Variants in ARL13B observed in about 807,000 individuals in gnomAD.
ARL13B encodes ADP-ribosylation factor-like protein 13B.
ARL13B carries 36 observed loss-of-function variants against 56.1 expected under a neutral mutation model. That is an observed-to-expected ratio of 0.64 (90% CI 0.49 to 0.85). ARL13B has a LOEUF of 0.85. Ranked by LOEUF, ARL13B falls within the 40% of genes least tolerant of loss-of-function variation. The pLI is 0.00. For missense variants in ARL13B, 519 were observed against 507.1 expected (o/e 1.02, Z -0.23); for synonymous variants, 178 against 171.1 (o/e 1.04, Z -0.32).
At chr3:94,029,301 CATATATATATAT>C (rs1242349606) in intron 3 of ARL13B, among the ~76,000 whole-genome samples, 8 of 77,210 alleles carry the variant, frequency 1.0e-4, no homozygotes, top group East Asian at 4.2e-4. Context: ...CTATCAAAAT[CATATATATATAT>C]ATATATATAT....
At chr3:93,980,538 AGG>A (rs1710160442) in intron 1 of ARL13B, 56 bp downstream of exon 1, 1 of 1,596,476 alleles carries the variant, frequency 6.3e-7, no homozygotes, top group African/African-American at 1.3e-5. Context: ...GCTGCGCCCC[AGG>A]GGCGAGGCGC....
intron 3 of ARL13B, chr3:94,014,680 C>G (rs1229608404): frequency 6.2e-7 from 1 of 1,613,318 alleles, no homozygotes; most frequent in Non-Finnish European, 8.5e-7. Context: ...TGTAAGTAAG[C>G]TTTCATTAAA....
intron 3 of ARL13B, among the ~76,000 whole-genome samples, chr3:94,011,338 C>A (rs2076221455): frequency 6.6e-6 from 1 of 152,106 alleles, no homozygotes. Context: ...GCTGATCTTA[C>A]ATTAAAGTTA....
intron 3 of ARL13B, among the ~76,000 whole-genome samples, chr3:94,004,892 T>A (rs569969474): frequency 6.6e-6 from 1 of 152,276 alleles, no homozygotes; most frequent in South Asian, 2.1e-4. Context: ...GGGATATGTA[T>A]GAAGAGAGAA....
rs772777819 is a variant in ARL13B at position 94,043,236 on chromosome 3, A to C, written c.1020A>C (p.Glu340Asp). The C allele has an allele frequency of 1.9e-6, 3 of 1,611,418 alleles. No homozygotes were observed. The highest frequency in any genetic ancestry group is 1.7e-6 in the Non-Finnish European group (2 of 1,178,336). ...NEDETDRPSL[E>D]SANGKKKTKK... ...ATGAGACAGACCGGCCATCATTGGAATCAGGTAATAAATCTAGTTATTTAA... is the reference window on the plus strand; with the variant it reads ...ATGAGACAGACCGGCCATCATTGGACTCAGGTAATAAATCTAGTTATTTAA... Residue 340 changes from glutamate (E) to aspartate (D), a missense_variant, in exon 7 of 10, where the codon GAA becomes GAC. Glu to Asp is a conservative substitution (Grantham distance 45). Transcript: ENST00000394222.
At position 94,037,162 on chromosome 3, in the gene ARL13B, A is replaced by T. The variant is rs1241446736; in HGVS notation, c.689+408A>T. ...TTGGGTAGAGGCCAGGGATGCAGCT[A>T]AACATCCTATGACACACAGGACAGT... On this transcript the variant is annotated intron_variant, in intron 5 of 9. Transcript: ENST00000394222. 4.6e-5 allele frequency among the ~76,000 whole-genome samples: 7 copies of T among 152,286 alleles called. 1 individual carries two copies. The highest frequency in any genetic ancestry group is 6.8e-3 in the Middle Eastern group (2 of 294).
chr3:94,049,205 A>G (rs140427398), intron 7 of ARL13B, among the ~76,000 whole-genome samples: 1 of 152,320 alleles, frequency 6.6e-6, no homozygotes, highest in Non-Finnish European at 1.5e-5. Flanking sequence ...TTGCTCATTC[A>G]TTCATTCAAT....
chr3:94,036,723 G>A lies in ARL13B; in HGVS notation c.658G>A (p.Ala220Thr), dbSNP rs1187107186. ...ALEEQEKQER[A>T]ERVRKLREER... Reference sequence around the variant, plus strand: ...TGAGGAACAAGAGAAACAAGAAAGAGCTGAACGAGTGCGAAAATTACGAGA... The same window carrying A: ...TGAGGAACAAGAGAAACAAGAAAGAACTGAACGAGTGCGAAAATTACGAGA... Residue 220 changes from alanine (A) to threonine (T), a missense_variant, in exon 5 of 10, where the codon GCT (alanine) becomes ACT (threonine). Ala to Thr is a moderately conservative substitution (Grantham distance 58). Coordinates refer to ENST00000394222, the MANE Select transcript of ARL13B (RefSeq NM_001174150.2). The A allele has an allele frequency of 6.2e-7, 1 of 1,613,524 alleles. No homozygotes were observed. The highest frequency in any genetic ancestry group is 1.1e-5 in the South Asian group (1 of 90,982).
At chr3:94,047,366 A>G (rs2076999506) in intron 7 of ARL13B, among the ~76,000 whole-genome samples, 1 of 152,210 alleles carries the variant, frequency 6.6e-6, no homozygotes, top group Non-Finnish European at 1.5e-5. Flanking sequence ...TTAAAAAGGA[A>G]GTAGACCTAT....
At chr3:94,002,959 T>C (rs1462211446) in intron 2 of ARL13B, among the ~76,000 whole-genome samples, 2 of 152,186 alleles carry the variant, frequency 1.3e-5, no homozygotes, top group African/African-American at 4.8e-5. Flanking sequence ...ATGAGGTCTT[T>C]TAAGATCCTC....
intron 2 of ARL13B, among the ~76,000 whole-genome samples, chr3:94,001,891 G>A (rs2076061677): frequency 6.6e-6 from 1 of 152,122 alleles, no homozygotes; most frequent in Admixed American, 6.6e-5. Context: ...TAAATGCCTA[G>A]TATAATCCTA....
intron 5 of ARL13B, among the ~76,000 whole-genome samples, chr3:94,038,097 C>T (rs2076800816): frequency 6.6e-6 from 1 of 152,148 alleles, no homozygotes; most frequent in Non-Finnish European, 1.5e-5. Context: ...TTTTGAAAAA[C>T]AGTAAAACAT....
chr3:94,047,359 A>G (rs916892679), intron 7 of ARL13B, among the ~76,000 whole-genome samples: 1 of 152,212 alleles, frequency 6.6e-6, no homozygotes, highest in Non-Finnish European at 1.5e-5. Context: ...AGCAGAGTTA[A>G]AAAGGAAGTA....
chr3:94,044,804 G>C lies in ARL13B; in HGVS notation c.1024+1564G>C, dbSNP rs868024678. Among the ~76,000 whole-genome samples the C allele has an allele frequency of 1.9e-3, 185 of 98,774 alleles. 2 individuals carry two copies. Among genetic ancestry groups the C allele is most frequent in the African/African-American group, 6.5e-3 (168 of 25,764 alleles). 64.8% of individuals were successfully genotyped at this position (98,774 alleles called of 152,430 possible). A position where few individuals can be genotyped will look rare whatever the true frequency, so the allele number is the denominator to read the frequency against. ...GTGAGGAGCGCCTCTGCCCGGCCGC[G>C]CCGTCTGGGAAGTGGGGAGCGCCTC... On this transcript the variant is annotated intron_variant, in intron 7 of 9. Transcript: ENST00000394222.
At chr3:94,038,515 CTTTTTTTTTTTTTTTT>C (rs761909057) in intron 5 of ARL13B, among the ~76,000 whole-genome samples, 3 of 54,470 alleles carry the variant, frequency 5.5e-5, no homozygotes, top group African/African-American at 2.6e-4. Flanking sequence ...TCTGGCTGCT[CTTTTTTTTTTTTTTTT>C]TTTTTTTTTG....
At chr3:94,039,078 A>G (rs1490950541) in intron 5 of ARL13B, among the ~76,000 whole-genome samples, 1 of 152,234 alleles carries the variant, frequency 6.6e-6, no homozygotes, top group Non-Finnish European at 1.5e-5. Flanking sequence ...TAGATATTCT[A>G]GTCTTTTATT....
chr3:93,988,361 C>T (rs1395455676), intron 1 of ARL13B, among the ~76,000 whole-genome samples: 4 of 152,132 alleles, frequency 2.6e-5, no homozygotes, highest in Non-Finnish European at 5.9e-5. Flanking sequence ...ACTAAGCCCC[C>T]ATCTGTGGAA....
At chr3:94,041,686 A>G (rs2076864690) in intron 6 of ARL13B, among the ~76,000 whole-genome samples, 1 of 152,212 alleles carries the variant, frequency 6.6e-6, no homozygotes, top group Non-Finnish European at 1.5e-5. Flanking sequence ...CGTATGCACA[A>G]AAGAACTCTT....
chr3:94,032,907 G>T (rs889332288), intron 3 of ARL13B, among the ~76,000 whole-genome samples: 1 of 152,194 alleles, frequency 6.6e-6, no homozygotes, highest in Non-Finnish European at 1.5e-5. Flanking sequence ...AAAGATATCT[G>T]AACTCAAGAT....
Sources: gnomAD v4.1 joint callset for allele counts (sites outside exome capture counted in the v4.1 genomes callset) on GRCh38, gnomAD v4.1.1 for gene constraint, MANE v1.5 for transcripts, NCBI Gene and HGNC (gene_info 2026-07-23, HGNC 2026-07-21) for gene names.